Variants in COX15 observed in about 807,000 individuals in gnomAD.
COX15 encodes the protein heme A synthase COX15.
COX15 carries 51 observed loss-of-function variants against 51.9 expected under a neutral mutation model. The observed-to-expected ratio is 0.98, with a 90% CI of 0.78 to 1.24. The LOEUF is 1.24. Among genes scored for constraint, COX15 ranks in the 50% most tolerant of loss-of-function variants. The pLI, the probability that COX15 is intolerant of heterozygous loss-of-function variation, is 0.00. For synonymous variants in COX15, 188 were observed against 190.5 expected (o/e 0.99, Z 0.11); for missense variants, 420 against 501.1 (o/e 0.84, Z 1.55).
At chr10:99,698,694 G>C in the COX15 span, 1 of 1,614,144 alleles carries the variant, frequency 6.2e-7, no homozygotes, top group South Asian at 1.1e-5. Flanking sequence ...CCCCCTGCTG[G>C]CTCGCTCCAA....
chr10:99,709,461 G>A (rs1314395304), downstream of COX15: 7 of 985,256 alleles, frequency 7.1e-6, no homozygotes, highest in African/African-American at 1.7e-5. Context: ...TTTTCCTGGT[G>A]TTACAAAAAA....
chr10:99,698,587 G>C, the COX15 span: 3 of 1,614,160 alleles, frequency 1.9e-6, no homozygotes, highest in Non-Finnish European at 1.7e-6. Context: ...CTGGATCCCT[G>C]CCTGCCAGTG....
At chr10:99,709,618 C>T, downstream of COX15, 6 of 985,354 alleles carry the variant, frequency 6.1e-6, no homozygotes, top group Non-Finnish European at 7.2e-6. Flanking sequence ...GTTCTTGGCT[C>T]ATTCTCTCAT....
At chr10:99,726,397 C>T (rs1382866149) in intron 4 of COX15, among the ~76,000 whole-genome samples, 2 of 152,098 alleles carry the variant, frequency 1.3e-5, no homozygotes, top group East Asian at 3.9e-4. Context: ...TATGGATTAT[C>T]TCATTTAATA....
At chr10:99,708,869 T>C, downstream of COX15, 1 of 985,434 alleles carries the variant, frequency 1.0e-6, no homozygotes. Flanking sequence ...TAACAGAATC[T>C]TTCTGCAAGT....
Position 99,714,291 on chromosome 10 carries a change from C to T in COX15, c.*296G>A, listed in dbSNP as rs377068774. 17 of 1,207,396 alleles carry T rather than the reference C, an allele frequency of 1.4e-5. No homozygotes were observed. In the Admixed American group the frequency reaches 3.2e-4, roughly 23 times the overall value. 74.8% of individuals were successfully genotyped at this position (1,207,396 alleles called of 1,614,324 possible). A position where few individuals can be genotyped will look rare whatever the true frequency, so the allele number is the denominator to read the frequency against. Reference sequence around the variant, plus strand: ...CCACGTAGAACCAAGAGCTTGCCAACACTGAAAAACCTGACACAAAGCCTG... The same window carrying T: ...CCACGTAGAACCAAGAGCTTGCCAATACTGAAAAACCTGACACAAAGCCTG... On this transcript the variant is annotated 3_prime_UTR_variant, in exon 9 of 9. Coordinates refer to ENST00000016171, the MANE Select transcript of COX15 (RefSeq NM_078470.6).
At chr10:99,727,832 A>G (rs963068056) in intron 2 of COX15, among the ~76,000 whole-genome samples, 28 of 151,864 alleles carry the variant, frequency 1.8e-4, no homozygotes, top group Admixed American at 7.2e-4. Flanking sequence ...TCCTTTCACT[A>G]GCATTCCTCA....
At chr10:99,730,031 T>G (rs776360358) in intron 1 of COX15, among the ~76,000 whole-genome samples, 1 of 152,218 alleles carries the variant, frequency 6.6e-6, no homozygotes, top group Non-Finnish European at 1.5e-5. Flanking sequence ...TCTAGGTCTT[T>G]CAACATTTCT....
chr10:99,701,996 C>G, the COX15 span, among the ~76,000 whole-genome samples: 121 of 152,060 alleles, frequency 8.0e-4, no homozygotes, highest in African/African-American at 2.8e-3. Flanking sequence ...TTGTAGTGAG[C>G]TGAGATCGCG....
the COX15 span, among the ~76,000 whole-genome samples, chr10:99,695,526 AAAAAAGAAAAG>A: frequency 6.6e-6 from 1 of 152,036 alleles, no homozygotes; most frequent in Non-Finnish European, 1.5e-5. Context: ...GTCTCAAAAA[AAAAAAGAAAAG>A]AAAAAGAAAA....
the COX15 span, chr10:99,702,747 CTTTT>C: frequency 8.9e-7 from 1 of 1,125,624 alleles, no homozygotes; most frequent in Non-Finnish European, 1.2e-6. Context: ...CGGTTTCTTT[CTTTT>C]TTTTTTTAAC....
the COX15 span, chr10:99,704,775 T>G: frequency 8.5e-7 from 1 of 1,174,722 alleles, no homozygotes; most frequent in Admixed American, 2.3e-5. Flanking sequence ...TGCTGTGATG[T>G]CTGACCTTGT....
chr10:99,727,966 CAATA>C (rs906777638), intron 2 of COX15, among the ~76,000 whole-genome samples: 1 of 152,066 alleles, frequency 6.6e-6, no homozygotes, highest in African/African-American at 2.4e-5. Flanking sequence ...AATTTAAAGA[CAATA>C]AAATTCAAAT....
At chr10:99,703,573 G>A in the COX15 span, among the ~76,000 whole-genome samples, 2 of 152,330 alleles carry the variant, frequency 1.3e-5, no homozygotes, top group Non-Finnish European at 2.9e-5. Context: ...GATCTGGACT[G>A]CTGAAGAGTG....
rs2036432472 is a variant in COX15 at position 99,712,667 on chromosome 10, C to A, written c.*1920G>T. The A allele has an allele frequency of 7.3e-6, 7 of 956,968 alleles. No homozygotes were observed. The South Asian group carries it at 2.9e-4, about 40-fold the overall frequency. 59.3% of individuals were successfully genotyped at this position (956,968 alleles called of 1,614,324 possible). A position where few individuals can be genotyped will look rare whatever the true frequency, so the allele number is the denominator to read the frequency against. On this transcript the variant is annotated 3_prime_UTR_variant, in exon 9 of 9. Transcript: ENST00000016171. Reference sequence around the variant, plus strand: ...ACAAAAACCCAGAAGATCTAACAACCCTGGACCTGTAGAGTGGCAGCAACA... The same window carrying A: ...ACAAAAACCCAGAAGATCTAACAACACTGGACCTGTAGAGTGGCAGCAACA...
In COX15 at chr10:99,718,476, G is replaced by GC. The variant is rs1564646101; in HGVS notation, c.856dup (p.Ala286GlyfsTer6). The GC allele has an allele frequency of 6.2e-7, 1 of 1,614,104 alleles. No homozygotes were observed. Among genetic ancestry groups the GC allele is most frequent in the Admixed American group, 1.7e-5 (1 of 60,012 alleles). ...GGGAAAGGAGTTATAAACAAGCCCA[G>GC]CATCTAGCCCTGCCACAAAAGCCCC... On this transcript the variant is annotated frameshift_variant, in exon 7 of 9. Transcript: ENST00000016171. LOFTEE classifies it high-confidence loss of function.
chr10:99,717,904 G>A (rs919182016), intron 7 of COX15, among the ~76,000 whole-genome samples: 1 of 152,076 alleles, frequency 6.6e-6, no homozygotes, highest in African/African-American at 2.4e-5. Flanking sequence ...AAACATATTC[G>A]CTTAAATAGA....
the COX15 span, chr10:99,696,140 T>G: frequency 8.1e-6 from 13 of 1,611,468 alleles, no homozygotes; most frequent in Non-Finnish European, 1.0e-5. Context: ...TGATATGGGA[T>G]CTGAGTTTCT....
Position 99,732,056 on chromosome 10 carries a change from G to A in COX15, c.-7C>T, listed in dbSNP as rs781648593. ...GAAAGAGCAATCGCTGCATACTGAT[G>A]ACAGGGAACAGCCACCTCTTCCACA... is the stretch of plus-strand genomic sequence containing the variant. On this transcript the variant is annotated 5_prime_UTR_variant, in exon 1 of 9. Coordinates refer to ENST00000016171, the MANE Select transcript of COX15 (RefSeq NM_078470.6). 7 of 1,611,688 alleles carry A rather than the reference G, an allele frequency of 4.3e-6. No homozygotes were observed. In the Admixed American group the frequency reaches 8.4e-5, roughly 19 times the overall value.
Sources: gnomAD v4.1 joint callset for allele counts (sites outside exome capture counted in the v4.1 genomes callset) on GRCh38, gnomAD v4.1.1 for gene constraint, MANE v1.5 for transcripts, NCBI Gene and HGNC (gene_info 2026-07-23, HGNC 2026-07-21) for gene names.